ANKRD11: variants seen among roughly 807,000 people sequenced by gnomAD.
ANKRD11 encodes ankyrin repeat domain-containing protein 11.
A neutral mutation model predicts 195.7 loss-of-function variants in ANKRD11; 17 were observed. That is an observed-to-expected ratio of 0.09 (90% CI 0.06 to 0.13). The LOEUF is 0.13. ANKRD11 is among the 10% of genes least tolerant of loss of function. The pLI, the probability that ANKRD11 is intolerant of heterozygous loss-of-function variation, is 1.00. For synonymous variants in ANKRD11, 1,953 were observed against 1,528.1 expected, an observed-to-expected ratio of 1.28 and a Z score of -6.49; for missense variants, 3,735 against 3,566.1, an observed-to-expected ratio of 1.05 and a Z score of -1.21.
chr16:89,268,920 G>A (rs2032878824), intron 12 of ANKRD11, among the ~76,000 whole-genome samples: 1 of 152,218 alleles, frequency 6.6e-6, no homozygotes, highest in African/African-American at 2.4e-5. Flanking sequence ...TGGCCCGGGG[G>A]CCCTGCCCTG....
At chr16:89,358,634 C>CT (rs2039594263) in intron 2 of ANKRD11, among the ~76,000 whole-genome samples, 1 of 152,138 alleles carries the variant, frequency 6.6e-6, no homozygotes, top group Non-Finnish European at 1.5e-5. Flanking sequence ...AACAGAATGA[C>CT]TAAGATTTCA....
At chr16:89,417,397 A>G (rs1314501476) in intron 2 of ANKRD11, among the ~76,000 whole-genome samples, 3 of 152,216 alleles carry the variant, frequency 2.0e-5, no homozygotes, top group East Asian at 3.8e-4. Context: ...GTCAATCCAC[A>G]TATCAGAGAA....
intron 2 of ANKRD11, among the ~76,000 whole-genome samples, chr16:89,349,861 A>AAC (rs34592614): frequency 0.027 from 3,580 of 133,114 alleles, 57 homozygotes; most frequent in East Asian, 0.06. Flanking sequence ...TACTTGTTAA[A>AAC]ACACACACAC....
chr16:89,435,150 G>C (rs1207263901), intron 1 of ANKRD11, among the ~76,000 whole-genome samples: 1 of 152,156 alleles, frequency 6.6e-6, no homozygotes, highest in South Asian at 2.1e-4. Flanking sequence ...TCTAGCTAAA[G>C]GTTTCTAAAC....
rs557600586 is a variant in ANKRD11, at chr16:89,285,874, C to G, written c.892+165G>C. 6.6e-6 allele frequency among the ~76,000 whole-genome samples: 1 copy of G among 152,226 alleles called. No individual in the cohort carries two copies. On this transcript the variant is annotated intron_variant, in intron 8 of 12. Coordinates refer to ENST00000301030, the MANE Select transcript of ANKRD11 (RefSeq NM_013275.6). This position sits in a 1 kb window ranked among gnomAD's most constrained non-coding sequence, Gnocchi z 5.6. ...CTTAGAATGAAGACTGCAGGCTTCT[C>G]GGCAGTGACACACCTGGGCGGGGTC...
At chr16:89,457,846 T>G (rs1434429756) in intron 1 of ANKRD11, among the ~76,000 whole-genome samples, 1 of 152,184 alleles carries the variant, frequency 6.6e-6, no homozygotes, top group Non-Finnish European at 1.5e-5. Flanking sequence ...TAAACATCAC[T>G]GAAGAAATCC....
At chr16:89,424,874 A>C (rs1270198890) in intron 1 of ANKRD11, among the ~76,000 whole-genome samples, 1 of 151,966 alleles carries the variant, frequency 6.6e-6, no homozygotes, top group African/African-American at 2.4e-5. Flanking sequence ...AAATCAATCA[A>C]TCTCTCTCTC....
Position 89,281,234 on chromosome 16 carries a change from C to T in ANKRD11, c.5308G>A (p.Gly1770Arg). ...FFDRFSVASS[G>R]LSENASQAPA... ...GCCTGGCTGGCGTTTTCCGAAAGCC[C>T]ACTTGAAGCCACGGAGAACCTGTCG... Residue 1770 changes from glycine (G) to arginine (R), a missense_variant, in exon 9 of 13, where the codon GGG (glycine) becomes AGG (arginine). By Grantham distance (125) the Gly-to-Arg change is moderately radical. Transcript: ENST00000301030. This position sits in a 1 kb window ranked among gnomAD's most constrained non-coding sequence, Gnocchi z 5.5. 6.2e-7 allele frequency: 1 copy of T among 1,614,168 alleles called. No individual in the cohort carries two copies. Among genetic ancestry groups the T allele is most frequent in the Non-Finnish European group, 8.5e-7 (1 of 1,180,028 alleles).
rs202049186 is a variant in ANKRD11 at position 89,280,176 on chromosome 16, G to A, written c.6366C>T (p.Asp2122=). ...LGQVEPVPWA[D]AFAGPEDDLD... The stretch of plus-strand genomic sequence containing the variant: ...GGTCGTCCTCGGGGCCGGCGAAGGC[G>A]TCCGCCCAGGGCACCGGCTCCACCT... The change falls in exon 9 of 13, where the codon GAC becomes GAT. Residue 2122 remains aspartate, a synonymous_variant. Coordinates refer to ENST00000301030, the MANE Select transcript of ANKRD11 (RefSeq NM_013275.6). 195 of 1,609,180 alleles carry A rather than the reference G, an allele frequency of 1.2e-4. 13 individuals are homozygous for A. The highest frequency in any genetic ancestry group is 6.0e-4 in the East Asian group (27 of 44,818).
chr16:89,461,018 GAAGA>G (rs1056823711), intron 1 of ANKRD11, among the ~76,000 whole-genome samples: 11 of 124,486 alleles, frequency 8.8e-5, no homozygotes, highest in East Asian at 2.4e-4. Context: ...ATTCATAACA[GAAGA>G]AAGGACAAAT....
rs572878194 is a variant in ANKRD11 at position 89,275,143 on chromosome 16, G to A, written c.7519C>T (p.Gln2507Ter). 1 of 1,611,860 alleles carries A rather than the reference G, an allele frequency of 6.2e-7. No individual in the cohort carries two copies. The highest frequency in any genetic ancestry group is 8.5e-7 in the Non-Finnish European group (1 of 1,179,348). The change falls in exon 10 of 13, where the codon CAG (glutamine) becomes TAG (stop). Residue 2507 changes from glutamine to a stop codon, truncating the protein, a stop_gained. Transcript: ENST00000301030. LOFTEE classifies it high-confidence loss of function. ...AGCTTTCCCCGGACGGCCTCCTGCTGCCTGAACAGCTCCTTCAGGGGCTCC... is the reference window on the plus strand; with the variant it reads ...AGCTTTCCCCGGACGGCCTCCTGCTACCTGAACAGCTCCTTCAGGGGCTCC... ...LAEPLKELFR[Q>*]QEAVRGKLRL...
intron 12 of ANKRD11, 50 bp downstream of exon 12, chr16:89,270,767 C>T: frequency 6.3e-7 from 1 of 1,590,076 alleles, no homozygotes; most frequent in Non-Finnish European, 8.6e-7. Flanking sequence ...CATCACAGAA[C>T]TGGGCAGCAG....
At chr16:89,313,369 G>T (rs1427620377) in intron 3 of ANKRD11, 1 of 1,287,850 alleles carries the variant, frequency 7.8e-7, no homozygotes, top group East Asian at 5.5e-5. Flanking sequence ...TCTTCCCGAG[G>T]CAGCTCAGCG....
chr16:89,271,942 A>T (rs1043035502), intron 11 of ANKRD11: 7 of 152,204 alleles, frequency 4.6e-5, no homozygotes, highest in African/African-American at 1.4e-4. Context: ...GACACAGTCA[A>T]CAGGGTGAAA....
chr16:89,328,284 A>C (rs946925605), intron 2 of ANKRD11, among the ~76,000 whole-genome samples: 6 of 152,244 alleles, frequency 3.9e-5, no homozygotes, highest in African/African-American at 1.4e-4. Flanking sequence ...GAGAACAGCA[A>C]GGCAGCCTTA....
chr16:89,422,526 C>G (rs770091640), intron 1 of ANKRD11, among the ~76,000 whole-genome samples: 7 of 152,176 alleles, frequency 4.6e-5, no homozygotes, highest in Non-Finnish European at 1.0e-4. Flanking sequence ...CAGTAATAAA[C>G]ACACTTTTCA....
chr16:89,343,298 G>A (rs917907938), intron 2 of ANKRD11, among the ~76,000 whole-genome samples: 10 of 152,142 alleles, frequency 6.6e-5, no homozygotes, highest in Non-Finnish European at 1.0e-4. Context: ...GGGCCTGAGC[G>A]CATTTTTTAA....
chr16:89,344,878 C>A (rs1029388952), intron 2 of ANKRD11, among the ~76,000 whole-genome samples: 3 of 152,186 alleles, frequency 2.0e-5, no homozygotes, highest in Non-Finnish European at 1.5e-5. Flanking sequence ...TTCAAGAGAA[C>A]CTCAAACTGT....
At chr16:89,333,354 C>A (rs1242641639) in intron 2 of ANKRD11, among the ~76,000 whole-genome samples, 1 of 115,418 alleles carries the variant, frequency 8.7e-6, no homozygotes, top group Non-Finnish European at 2.2e-5. Context: ...ACAGCTGAGA[C>A]CCCCCTGGAC....
Sources: allele counts gnomAD v4.1 joint callset (sites outside exome capture counted in the v4.1 genomes callset), GRCh38; gene constraint gnomAD v4.1.1; non-coding constraint Gnocchi (gnomAD v3.1); transcripts MANE v1.5; gene names NCBI Gene and HGNC (gene_info 2026-07-23, HGNC 2026-07-21).